The following MTM1 variants were observed in gnomAD, a reference collection of about 807,000 sequenced individuals.
MTM1 encodes the protein myotubularin.
Under a neutral mutation model 52.1 loss-of-function variants are expected in MTM1, and 9 were observed. The ratio of observed to expected loss-of-function variants is 0.17; its 90% CI spans 0.10 to 0.30. The LOEUF is 0.30. Among genes scored for constraint, MTM1 ranks in the 10% least tolerant of loss-of-function variants. The pLI, the probability that MTM1 is intolerant of heterozygous loss-of-function variation, is 1.00. For missense variants in MTM1, 277 were observed against 470.7 expected, an observed-to-expected ratio of 0.59 and a Z score of 3.81; for synonymous variants, 136 against 163.8, an observed-to-expected ratio of 0.83 and a Z score of 1.29.
chrX:150,654,972 T>C (rs1557414344), intron 10 of MTM1, among the ~76,000 whole-genome samples: 2 of 111,978 alleles, frequency 1.8e-5, no homozygotes, highest in Non-Finnish European at 3.8e-5. Context: ...TCATACATTG[T>C]TTCTGGGAAT....
intron 9 of MTM1, 88 bp downstream of exon 9, chrX:150,645,959 A>C (rs782471659): frequency 1.1e-6 from 1 of 876,529 alleles, no homozygotes; most frequent in South Asian, 2.1e-5. Context: ...ATATAGAAAC[A>C]CGTGGGTTTA....
Position 150,592,759 on chromosome X carries a change from T to C in MTM1, c.63+82T>C, listed in dbSNP as rs2038907545. On this transcript the variant is annotated intron_variant, in intron 2 of 14. Transcript: ENST00000370396. ...AATATTAGGTCATTTTGGGCTGGCC[T>C]ATTGAATTATGAATTTTATTATTCA... The C allele has an allele frequency of 4.7e-6, 3 of 644,429 alleles. No individual in the cohort carries two copies. In the East Asian group the frequency reaches 9.9e-5, roughly 21 times the overall value. The allele number at this position is 644,429 out of a possible 1,213,427, so 53.1% of individuals were successfully genotyped here.
rs587783772 is a variant in MTM1, at chrX:150,659,665, G to A, written c.1262G>A (p.Arg421Gln). 8.3e-7 allele frequency: 1 copy of A among 1,205,805 alleles called. No individual in the cohort carries two copies. The highest frequency in any genetic ancestry group is 1.1e-6 in the Non-Finnish European group (1 of 890,320). The change falls in exon 12 of 15, where the codon CGA (arginine) becomes CAA (glutamine). Residue 421 changes from arginine (R) to glutamine (Q), a missense_variant and splice_region_variant. Physicochemically the swap from Arg to Gln is conservative, Grantham distance 43 (BLOSUM62 1). Coordinates refer to ENST00000370396, the MANE Select transcript of MTM1 (RefSeq NM_000252.3). ...WISFGHKFAS[R>Q]IGHGDKNHTD... is the part of the protein sequence containing the mutation. The stretch of plus-strand genomic sequence containing the variant: ...AATTATCTTCATCAATTTATTCAGC[G>A]AATAGGTCATGGTGATAAAAACCAC...
chrX:150,639,187 A>T (rs1440155864), intron 7 of MTM1, among the ~76,000 whole-genome samples, 161 bp downstream of exon 7: 1 of 112,321 alleles, frequency 8.9e-6, no homozygotes, highest in Non-Finnish European at 1.9e-5. Flanking sequence ...ATCTCATTCT[A>T]TCTATTACTG....
At chrX:150,627,285 A>G (rs137898333) in intron 6 of MTM1, among the ~76,000 whole-genome samples, 11 of 111,694 alleles carry the variant, frequency 9.8e-5, no homozygotes, top group African/African-American at 2.9e-4. Flanking sequence ...CCTTCCTTGC[A>G]AAGTGGTGCT....
At chrX:150,569,039 G>T (rs2038314458) in intron 1 of MTM1, among the ~76,000 whole-genome samples, 1 of 113,595 alleles carries the variant, frequency 8.8e-6, no homozygotes, top group South Asian at 3.5e-4. Context: ...CGTCCGCCCT[G>T]CCTCCCCGGC....
chrX:150,593,473 T>G (rs995827459), intron 2 of MTM1, among the ~76,000 whole-genome samples: 9 of 112,159 alleles, frequency 8.0e-5, no homozygotes, highest in African/African-American at 3.2e-5. Context: ...AGGGAGATTT[T>G]GGAATGTGCA....
upstream of MTM1, among the ~76,000 whole-genome samples, chrX:150,566,460 TTTCAAAGTGCTTCCTCA>T (rs1557411236): frequency 9.0e-6 from 1 of 111,420 alleles, no homozygotes; most frequent in Non-Finnish European, 1.9e-5. Context: ...CCTTTACAGT[TTTCAAAGTGCTTCCTCA>T]TCTGTTGCCT....
Position 150,591,523 on chromosome X carries a change from G to A in MTM1, c.-10-1082G>A, listed in dbSNP as rs782351260. Among the ~76,000 whole-genome samples, 63 of 112,503 alleles carry A rather than the reference G, an allele frequency of 5.6e-4. 1 individual carries two copies. The highest frequency in any genetic ancestry group is 1.9e-3 in the African/African-American group (59 of 30,994). ...GGTGGCTGTCTTTTTCTGTGACTTC[G>A]TCACCTTTCTTGACTATTTCTTAAG... On this transcript the variant is annotated intron_variant, in intron 1 of 14. Coordinates refer to ENST00000370396, the MANE Select transcript of MTM1 (RefSeq NM_000252.3).
At position 150,657,831 on chromosome X, in the gene MTM1, C is replaced by T; in HGVS notation, c.1064C>T (p.Thr355Ile). The T allele has an allele frequency of 8.3e-7, 1 of 1,211,140 alleles. No homozygotes were observed. The highest frequency in any genetic ancestry group is 1.1e-6 in the Non-Finnish European group (1 of 895,041). ...ATTTTTCTTTGTCAGCTCGTTTTGA[C>T]AGGAGCCATTCAAGTAGCAGACAAA... The part of the protein sequence containing the change: ...HWLEHIKLVL[T>I]GAIQVADKVS... Residue 355 changes from threonine to isoleucine, a missense_variant, in exon 11 of 15, where the codon ACA becomes ATA. Physicochemically the swap from Thr to Ile is moderately conservative, Grantham distance 89. This residue lies in a region of MTM1 where 164 missense variants were observed against 283.3 expected (regional missense o/e 0.58). Transcript: ENST00000370396.
At chrX:150,618,882 C>G (rs1372171613) in intron 5 of MTM1, among the ~76,000 whole-genome samples, 156 bp from the exon 6 acceptor site, 6 of 111,056 alleles carry the variant, frequency 5.4e-5, no homozygotes, top group Non-Finnish European at 9.4e-5. Flanking sequence ...CCAGATATAC[C>G]AAATTACCAT....
chrX:150,581,085 T>A (rs890115310), intron 1 of MTM1, among the ~76,000 whole-genome samples: 1 of 111,888 alleles, frequency 8.9e-6, no homozygotes, highest in Admixed American at 9.5e-5. Flanking sequence ...TTAAAAAAAA[T>A]ATCCTCAAAG....
intron 1 of MTM1, among the ~76,000 whole-genome samples, chrX:150,575,299 A>C: frequency 8.9e-6 from 1 of 112,207 alleles, no homozygotes; most frequent in Middle Eastern, 4.6e-3. Flanking sequence ...TCACTTGGGG[A>C]GTTTTACATA....
intron 1 of MTM1, among the ~76,000 whole-genome samples, chrX:150,580,581 G>T (rs2038563526): frequency 9.3e-6 from 1 of 107,408 alleles, no homozygotes; most frequent in Non-Finnish European, 1.9e-5. Flanking sequence ...AACCTTGTCT[G>T]CCAATAGTGC....
At chrX:150,564,252 T>A (rs1265924509), upstream of MTM1, among the ~76,000 whole-genome samples, 1 of 112,725 alleles carries the variant, frequency 8.9e-6, no homozygotes, top group African/African-American at 3.2e-5. Context: ...TCATTCAAGT[T>A]GTAGCATATA....
intron 1 of MTM1, among the ~76,000 whole-genome samples, chrX:150,570,755 T>A (rs990927018): frequency 4.5e-5 from 5 of 111,609 alleles, no homozygotes; most frequent in African/African-American, 1.6e-4. Context: ...TCATCAGTCC[T>A]TGTGTGGTTT....
At chrX:150,644,896 C>T (rs1291827145) in intron 8 of MTM1, among the ~76,000 whole-genome samples, 4 of 111,836 alleles carry the variant, frequency 3.6e-5, no homozygotes, top group Admixed American at 1.9e-4. Flanking sequence ...CTGCAGTTCT[C>T]CAGCTTCCCA....
upstream of MTM1, among the ~76,000 whole-genome samples, chrX:150,565,123 T>A (rs782781709): frequency 8.9e-6 from 1 of 112,359 alleles, no homozygotes; most frequent in African/African-American, 3.2e-5. Context: ...TTACCCCCTA[T>A]CCTCTCCCAT....
chrX:150,643,398 G>A (rs1004387034), intron 8 of MTM1, among the ~76,000 whole-genome samples: 52 of 111,395 alleles, frequency 4.7e-4, no homozygotes, highest in African/African-American at 1.6e-3. Flanking sequence ...TAATGTATGA[G>A]TAATGCACGT....
Sources: allele counts gnomAD v4.1 joint callset (sites outside exome capture counted in the v4.1 genomes callset), GRCh38; gene constraint gnomAD v4.1.1; regional missense constraint gnomAD v4.1.1; transcripts MANE v1.5; gene names NCBI Gene and HGNC (gene_info 2026-07-23, HGNC 2026-07-21).